The following FRMPD4 variants were observed in gnomAD, a reference collection of about 807,000 sequenced individuals.
The protein encoded by FRMPD4 is FERM and PDZ domain-containing protein 4.
FRMPD4 carries 22 observed loss-of-function variants against 94.1 expected under a neutral mutation model. That is an observed-to-expected ratio of 0.23 (90% CI 0.17 to 0.33). The LOEUF (loss-of-function observed/expected upper bound fraction) is 0.33, where lower values mean the gene tolerates loss of function less well. Ranked by LOEUF, FRMPD4 falls within the 10% of genes least tolerant of loss-of-function variation. The pLI is 1.00. For missense variants in FRMPD4, 1,111 were observed against 1,339.9 expected (o/e 0.83, Z 2.67); for synonymous variants, 631 against 548.6 (o/e 1.15, Z -2.10).
rs866093241 is a variant in FRMPD4 at position 12,723,919 on chromosome X, A to G, written c.*2061A>G. Reference sequence around the variant, plus strand: ...AAAATCAATTATAAGATCGATTTCCATAGGGTTGTCATGAGTTTTGAGTAA... The same window carrying G: ...AAAATCAATTATAAGATCGATTTCCGTAGGGTTGTCATGAGTTTTGAGTAA... On this transcript the variant is annotated 3_prime_UTR_variant, in exon 17 of 17. Transcript: ENST00000675598. 6.3e-5 allele frequency: 7 copies of G among 111,849 alleles called. No homozygotes were observed. Among genetic ancestry groups the G allele is most frequent in the African/African-American group, 2.3e-4 (7 of 30,751 alleles). The allele number at this position is 111,849 out of a possible 1,213,427, so 9.2% of individuals were successfully genotyped here. A position where few individuals can be genotyped will look rare whatever the true frequency, so the allele number is the denominator to read the frequency against.
At chrX:12,190,318 A>G (rs1850599423) in intron 1 of FRMPD4, among the ~76,000 whole-genome samples, 1 of 111,283 alleles carries the variant, frequency 9.0e-6, no homozygotes, top group African/African-American at 3.3e-5. Context: ...AATCCCAGTC[A>G]AAATCCCAGG....
intron 1 of FRMPD4, among the ~76,000 whole-genome samples, chrX:12,392,186 G>A (rs1413489567): frequency 1.9e-5 from 2 of 107,568 alleles, no homozygotes; most frequent in Admixed American, 9.8e-5. Flanking sequence ...GACTACAGGC[G>A]AGCACCACCA....
intron 4 of FRMPD4, among the ~76,000 whole-genome samples, chrX:12,651,745 C>T (rs752187551): frequency 1.7e-4 from 19 of 111,526 alleles, no homozygotes; most frequent in Non-Finnish European, 3.6e-4. Flanking sequence ...GTGAAGTGAG[C>T]GTTGAAAGAG....
chrX:12,403,420 C>T (rs1259593407), intron 1 of FRMPD4, among the ~76,000 whole-genome samples: 1 of 111,086 alleles, frequency 9.0e-6, no homozygotes, highest in Non-Finnish European at 1.9e-5. Flanking sequence ...AGTGTCCTGG[C>T]CACTCCATCT....
chrX:12,494,213 A>G (rs1264659327), intron 1 of FRMPD4, among the ~76,000 whole-genome samples: 1 of 111,796 alleles, frequency 8.9e-6, no homozygotes, highest in African/African-American at 3.3e-5. Flanking sequence ...GGGTTTTTTC[A>G]TCTTGGCTCT....
At chrX:11,992,379 T>C (rs1258571293) in intron 3 of FRMPD4, among the ~76,000 whole-genome samples, 2 of 111,925 alleles carry the variant, frequency 1.8e-5, no homozygotes, top group Non-Finnish European at 1.9e-5. Flanking sequence ...TATTTATACA[T>C]ATTCAAGGTT....
At chrX:12,427,467 A>T (rs1227418385) in intron 1 of FRMPD4, among the ~76,000 whole-genome samples, 1 of 111,240 alleles carries the variant, frequency 9.0e-6, no homozygotes, top group Non-Finnish European at 1.9e-5. Context: ...AGGGATGGAG[A>T]CAAGCTAGGA....
intron 1 of FRMPD4, among the ~76,000 whole-genome samples, chrX:12,394,801 T>C (rs1245489624): frequency 8.9e-6 from 1 of 111,876 alleles, no homozygotes; most frequent in Admixed American, 9.6e-5. Flanking sequence ...ATATTTGGAT[T>C]TGTGTTCTGA....
intron 1 of FRMPD4, among the ~76,000 whole-genome samples, chrX:12,432,670 C>T (rs918558645): frequency 4.5e-5 from 5 of 112,120 alleles, no homozygotes; most frequent in Non-Finnish European, 7.5e-5. Flanking sequence ...CTGACTTCAT[C>T]AAAGTGAGGA....
Position 12,106,659 on chromosome X carries a change from G to A in FRMPD4, c.95+228641G>A, listed in dbSNP as rs529855457. On this transcript the variant is annotated intron_variant, in intron 3 of 18. Coordinates refer to the FRMPD4 transcript ENST00000640291. ...AGGGAATTCCCTTTCCTAGCCAAGG[G>A]AAGCAGTGACAGAAGGCACTGGAAA... Among the ~76,000 whole-genome samples the A allele has an allele frequency of 3.6e-5, 4 of 111,748 alleles. No homozygotes were observed. In the East Asian group the frequency reaches 1.1e-3, roughly 32 times the overall value.
intron 4 of FRMPD4, among the ~76,000 whole-genome samples, chrX:12,644,630 T>A (rs2059531320): frequency 9.0e-6 from 1 of 111,544 alleles, no homozygotes. Flanking sequence ...CTTCTCTGAA[T>A]AGCCCCACTA....
chrX:12,321,366 G>T (rs780113333), intron 1 of FRMPD4, among the ~76,000 whole-genome samples: 28 of 111,876 alleles, frequency 2.5e-4, no homozygotes, highest in Admixed American at 3.8e-4. Flanking sequence ...AGGATTTTTT[G>T]ACTTTACTGT....
At chrX:12,262,826 A>G (rs2054213144) in intron 1 of FRMPD4, among the ~76,000 whole-genome samples, 1 of 111,529 alleles carries the variant, frequency 9.0e-6, no homozygotes, top group Non-Finnish European at 1.9e-5. Context: ...AAGGTGACAA[A>G]TCCTTGGGAC....
intron 3 of FRMPD4, among the ~76,000 whole-genome samples, chrX:12,076,327 CGTGT>C (rs34558552): frequency 1.6e-3 from 160 of 98,124 alleles, no homozygotes; most frequent in South Asian, 2.9e-3. Context: ...CCTAGCAAAA[CGTGT>C]GTGTGTGTGT....
intron 1 of FRMPD4, among the ~76,000 whole-genome samples, chrX:12,387,913 C>A (rs2056418957): frequency 9.2e-6 from 1 of 108,376 alleles, no homozygotes; most frequent in Non-Finnish European, 1.9e-5. Context: ...CATTGACCAC[C>A]TCAGTTACCA....
intron 1 of FRMPD4, among the ~76,000 whole-genome samples, chrX:12,151,190 A>T (rs771200082): frequency 9.0e-6 from 1 of 111,720 alleles, no homozygotes; most frequent in South Asian, 3.7e-4. Flanking sequence ...TGTTAAGTGA[A>T]AATAGTAAGG....
intron 4 of FRMPD4, among the ~76,000 whole-genome samples, chrX:12,644,588 C>T (rs1041964420): frequency 1.8e-5 from 2 of 111,225 alleles, no homozygotes; most frequent in African/African-American, 6.5e-5. Context: ...GGTTCACCTT[C>T]CCATCTAGGT....
At chrX:12,602,028 C>G (rs1222010764) in intron 2 of FRMPD4, among the ~76,000 whole-genome samples, 1 of 111,557 alleles carries the variant, frequency 9.0e-6, no homozygotes, top group Non-Finnish European at 1.9e-5. Flanking sequence ...AAAGACCTGT[C>G]TACTTTATTA....
chrX:12,699,599 T>C (rs1451474137), intron 9 of FRMPD4, among the ~76,000 whole-genome samples: 4 of 112,081 alleles, frequency 3.6e-5, no homozygotes, highest in Admixed American at 1.9e-4. Flanking sequence ...AAAATCAATA[T>C]AGGAAGCGGT....
Sources: gnomAD v4.1 joint callset for allele counts (sites outside exome capture counted in the v4.1 genomes callset) on GRCh38, gnomAD v4.1.1 for gene constraint, MANE v1.5 for transcripts, NCBI Gene and HGNC (gene_info 2026-07-23, HGNC 2026-07-21) for gene names.